RHBDD1: variants seen among roughly 807,000 people sequenced by gnomAD.
The protein encoded by RHBDD1 is rhomboid domain containing 1, also known as rhomboid-related protein 4.
RHBDD1 carries 38 observed loss-of-function variants against 36.3 expected under a neutral mutation model. The ratio of observed to expected loss-of-function variants is 1.05; its 90% CI spans 0.81 to 1.37. The LOEUF is 1.37. RHBDD1 is among the 40% of genes most tolerant of loss of function. The probability of loss-of-function intolerance (pLI) is 0.00; values close to 1 mark genes in which losing one functional copy is unlikely to be tolerated. For missense variants in RHBDD1, 393 were observed against 377.6 expected (o/e 1.04, Z -0.34); for synonymous variants, 151 against 136.5 (o/e 1.11, Z -0.74).
At chr2:226,906,999 T>A (rs1948108702) in intron 6 of RHBDD1, 118 bp downstream of exon 6, 1 of 1,031,486 alleles carries the variant, frequency 9.7e-7, no homozygotes, top group Non-Finnish European at 1.5e-6. Context: ...CTAATATGCC[T>A]GTTTTTCTTT....
intron 8 of RHBDD1, among the ~76,000 whole-genome samples, chr2:226,964,462 G>A (rs191299346): frequency 7.2e-5 from 11 of 151,820 alleles, no homozygotes; most frequent in Non-Finnish European, 1.3e-4. Context: ...TTCTTTGCAG[G>A]CCCACCCACC....
chr2:226,832,771 G>T (rs894982125), upstream of RHBDD1, among the ~76,000 whole-genome samples: 2 of 152,148 alleles, frequency 1.3e-5, no homozygotes, highest in Admixed American at 6.5e-5. Flanking sequence ...CATTTGGGAG[G>T]CCGAGACAGG....
chr2:226,851,283 G>T (rs1400897407), intron 3 of RHBDD1, among the ~76,000 whole-genome samples: 1 of 151,736 alleles, frequency 6.6e-6, no homozygotes, highest in Admixed American at 6.6e-5. Context: ...GTATGTGTGG[G>T]TTCTAAACAC....
At chr2:226,990,919 C>T (rs957725926) in intron 8 of RHBDD1, among the ~76,000 whole-genome samples, 13 of 152,066 alleles carry the variant, frequency 8.5e-5, no homozygotes, top group African/African-American at 1.7e-4. Flanking sequence ...GCCGTTTCAC[C>T]CAGGCCTGTA....
intron 8 of RHBDD1, among the ~76,000 whole-genome samples, chr2:226,973,886 C>T (rs1419861378): frequency 1.3e-5 from 2 of 152,200 alleles, no homozygotes; most frequent in Non-Finnish European, 2.9e-5. Context: ...TCTGCCTGTT[C>T]ATCCTCCTGG....
chr2:226,870,720 T>C (rs1057411631), intron 5 of RHBDD1, among the ~76,000 whole-genome samples: 4 of 152,236 alleles, frequency 2.6e-5, no homozygotes, highest in African/African-American at 7.2e-5. Flanking sequence ...GTGCATGTTA[T>C]ATGTATCATA....
chr2:226,909,813 G>A (rs1038879478), intron 7 of RHBDD1, among the ~76,000 whole-genome samples: 1 of 152,178 alleles, frequency 6.6e-6, no homozygotes, highest in Non-Finnish European at 1.5e-5. Flanking sequence ...AAGCCAGCCA[G>A]TCTATGGCTG....
At chr2:226,801,028 A>C in the RHBDD1 span, among the ~76,000 whole-genome samples, 3 of 152,260 alleles carry the variant, frequency 2.0e-5, no homozygotes, top group South Asian at 6.2e-4. Context: ...GCCTGGCACT[A>C]AGGACCCACA....
At position 226,958,178 on chromosome 2, in the gene RHBDD1, G is replaced by A. The variant is rs927249733; in HGVS notation, c.857-37253G>A. Among the ~76,000 whole-genome samples the A allele has an allele frequency of 4.6e-5, 7 of 152,174 alleles. No individual in the cohort carries two copies. The East Asian group carries it at 5.8e-4, about 13-fold the overall frequency. Reference sequence around the variant, plus strand: ...TAAATAAAATGTGGTATATGCATACGATGGAATATTATTTGGCCCTAAAAA... The same window carrying A: ...TAAATAAAATGTGGTATATGCATACAATGGAATATTATTTGGCCCTAAAAA... On this transcript the variant is annotated intron_variant, in intron 8 of 8. Coordinates refer to ENST00000392062, the MANE Select transcript of RHBDD1 (RefSeq NM_001167608.3).
chr2:226,855,241 C>T (rs971199445), intron 3 of RHBDD1, among the ~76,000 whole-genome samples: 2 of 152,232 alleles, frequency 1.3e-5, no homozygotes, highest in African/African-American at 4.8e-5. Flanking sequence ...GGTATGGTGG[C>T]TCACACCTGT....
intron 8 of RHBDD1, among the ~76,000 whole-genome samples, chr2:226,926,351 C>G (rs1313522625): frequency 6.6e-6 from 1 of 152,000 alleles, no homozygotes; most frequent in Non-Finnish European, 1.5e-5. Flanking sequence ...TTCTAATTTT[C>G]TCAAAGAGTA....
intron 3 of RHBDD1, among the ~76,000 whole-genome samples, chr2:226,855,393 G>A (rs1220685933): frequency 1.3e-5 from 2 of 152,170 alleles, no homozygotes; most frequent in African/African-American, 4.8e-5. Flanking sequence ...TGTAGTCCCA[G>A]CTTGGGAGGC....
intron 8 of RHBDD1, among the ~76,000 whole-genome samples, chr2:226,935,837 A>G (rs144646572): frequency 1.7e-3 from 253 of 152,270 alleles, no homozygotes; most frequent in African/African-American, 6.0e-3. Flanking sequence ...AAGCAGATCT[A>G]ACTTGATAAA....
At chr2:226,812,463 C>T in the RHBDD1 span, among the ~76,000 whole-genome samples, 7 of 152,102 alleles carry the variant, frequency 4.6e-5, no homozygotes, top group Non-Finnish European at 4.4e-5. Flanking sequence ...TAGAAAATGT[C>T]GAAACAACAT....
intron 8 of RHBDD1, among the ~76,000 whole-genome samples, chr2:226,992,343 C>T (rs1476599113): frequency 6.6e-6 from 1 of 152,186 alleles, no homozygotes; most frequent in Non-Finnish European, 1.5e-5. Context: ...ACATTCTCCT[C>T]AGATCAACTC....
At chr2:226,882,849 A>G (rs1379412510) in intron 5 of RHBDD1, among the ~76,000 whole-genome samples, 2 of 152,132 alleles carry the variant, frequency 1.3e-5, no homozygotes, top group Non-Finnish European at 2.9e-5. Context: ...TCAGGTTGCC[A>G]TCATGGTTGG....
chr2:226,997,741 C>CT lies in RHBDD1; in HGVS notation c.*2220dup, dbSNP rs1167484390. On this transcript the variant is annotated 3_prime_UTR_variant, in exon 9 of 9. Coordinates refer to ENST00000392062, the MANE Select transcript of RHBDD1 (RefSeq NM_001167608.3). ...GGTGGTAAAATTGTGATACGCATGGCTGTTGATGGAGTGGAACATCTTAGT... is the reference window on the plus strand; with the variant it reads ...GGTGGTAAAATTGTGATACGCATGGCTTGTTGATGGAGTGGAACATCTTAGT... 2.0e-5 allele frequency: 3 copies of CT among 152,118 alleles called. No individual in the cohort carries two copies. The highest frequency in any genetic ancestry group is 4.4e-5 in the Non-Finnish European group (3 of 68,036). The allele number at this position is 152,118 out of a possible 1,614,324, so 9.4% of individuals were successfully genotyped here. A position where few individuals can be genotyped will look rare whatever the true frequency, so the allele number is the denominator to read the frequency against.
chr2:226,911,861 G>A (rs537499788), intron 7 of RHBDD1, among the ~76,000 whole-genome samples: 1 of 152,042 alleles, frequency 6.6e-6, no homozygotes, highest in South Asian at 2.1e-4. Flanking sequence ...ATGAAAGTTG[G>A]GTTATTGGAG....
At chr2:226,994,783 A>T (rs1349938196) in intron 8 of RHBDD1, among the ~76,000 whole-genome samples, 1 of 152,150 alleles carries the variant, frequency 6.6e-6, no homozygotes, top group Non-Finnish European at 1.5e-5. Context: ...TTCTTGTATC[A>T]TTACAAACTG....
Sources: allele counts gnomAD v4.1 joint callset (sites outside exome capture counted in the v4.1 genomes callset), GRCh38; gene constraint gnomAD v4.1.1; transcripts MANE v1.5; gene names NCBI Gene and HGNC (gene_info 2026-07-23, HGNC 2026-07-21).